DLC1: variants seen among roughly 807,000 people sequenced by gnomAD.
DLC1 encodes the protein DLC1 Rho GTPase activating protein, also known as rho GTPase-activating protein 7.
Under a neutral mutation model 140.3 loss-of-function variants are expected in DLC1, and 54 were observed. The observed-to-expected ratio is 0.38, with a 90% CI of 0.31 to 0.48. DLC1 has a LOEUF of 0.48. DLC1 is among the 20% of genes least tolerant of loss of function. The pLI is 0.96. For synonymous variants in DLC1, 986 were observed against 728.1 expected (o/e 1.35, Z -5.70); for missense variants, 2,536 against 1,907.0 (o/e 1.33, Z -6.14).
intron 5 of DLC1, among the ~76,000 whole-genome samples, chr8:13,131,503 G>T (rs1822076202): frequency 6.6e-6 from 1 of 152,140 alleles, no homozygotes; most frequent in Non-Finnish European, 1.5e-5. Context: ...GAATCCATTT[G>T]CTCATCCATA....
At position 13,499,352 on chromosome 8, in the gene DLC1, G is replaced by T. The variant is rs762474592; in HGVS notation, c.720C>A (p.Pro240=). 3.1e-6 allele frequency: 5 copies of T among 1,613,906 alleles called. No individual in the cohort carries two copies. The African/African-American group carries it at 5.3e-5, about 17-fold the overall frequency. ...TGCTTCTTTCATTTTCATCTTTAGGGGGGTCAGGTTTCCTTCGTTGCTGAG... is the reference window on the plus strand; with the variant it reads ...TGCTTCTTTCATTTTCATCTTTAGGTGGGTCAGGTTTCCTTCGTTGCTGAG... The part of the protein sequence containing the change: ...VIAQQRRKPD[P]PKDENERSTC... The change falls in exon 2 of 18, where the codon CCC becomes CCA. Residue 240 remains proline, a synonymous_variant. Transcript: ENST00000276297.
At chr8:13,361,572 T>C (rs67858069) in intron 4 of DLC1, among the ~76,000 whole-genome samples, 31,233 of 152,088 alleles carry the variant, frequency 0.21, 3,505 homozygotes, top group Non-Finnish European at 0.26. Flanking sequence ...TGCTCCAGTG[T>C]AGGTATTTTC....
At position 13,484,774 on chromosome 8, in the gene DLC1, C is replaced by T. The variant is rs573964997; in HGVS notation, c.1023+14275G>A. 2.0e-5 allele frequency among the ~76,000 whole-genome samples: 3 copies of T among 152,050 alleles called. No homozygotes were observed. The South Asian group carries it at 6.3e-4, about 32-fold the overall frequency. ...ATGTCACTTTGAACATAAACAGTCCCTGGAGGCCATCTGTCATATATACAG... is the reference window on the plus strand; with the variant it reads ...ATGTCACTTTGAACATAAACAGTCCTTGGAGGCCATCTGTCATATATACAG... On this transcript the variant is annotated intron_variant, in intron 2 of 17. Coordinates refer to ENST00000276297, the MANE Select transcript of DLC1 (RefSeq NM_182643.3).
intron 5 of DLC1, among the ~76,000 whole-genome samples, chr8:13,124,905 C>T (rs1050473278): frequency 6.6e-6 from 1 of 152,128 alleles, no homozygotes; most frequent in African/African-American, 2.4e-5. Flanking sequence ...ACAAGAGATC[C>T]CCAGTTTTGT....
chr8:13,114,947 T>G (rs372600248), intron 6 of DLC1, among the ~76,000 whole-genome samples: 1 of 152,220 alleles, frequency 6.6e-6, no homozygotes, highest in East Asian at 1.9e-4. Flanking sequence ...ATACATATTC[T>G]TTATTACCCA....
chr8:13,188,816 T>A (rs7824727), intron 5 of DLC1, among the ~76,000 whole-genome samples: 5 of 102,028 alleles, frequency 4.9e-5, no homozygotes, highest in Non-Finnish European at 5.7e-5. Flanking sequence ...TATATATATA[T>A]ATATATATAT....
At chr8:13,271,452 T>C (rs1025118895) in intron 5 of DLC1, among the ~76,000 whole-genome samples, 1 of 152,216 alleles carries the variant, frequency 6.6e-6, no homozygotes, top group Non-Finnish European at 1.5e-5. Context: ...AGCACTCATT[T>C]TGCTAGTGAA....
At position 13,496,785 on chromosome 8, in the gene DLC1, C is replaced by CTTTTTTTTTTTT. The variant is rs1491502803; in HGVS notation, c.1023+2263_1023+2264insAAAAAAAAAAAA. Among the ~76,000 whole-genome samples the CTTTTTTTTTTTT allele has an allele frequency of 4.3e-3, 37 of 8,648 alleles. 14 individuals are homozygous for CTTTTTTTTTTTT. The highest frequency in any genetic ancestry group is 4.1e-3 in the Non-Finnish European group (6 of 1,456). 5.7% of individuals were successfully genotyped at this position (8,648 alleles called of 152,430 possible). Reference sequence around the variant, plus strand: ...TAATTAACAAATTCTTAGACCATTTCCTTTTTTTTTTTTTTTTTTTTTTTT... The same window carrying CTTTTTTTTTTTT: ...TAATTAACAAATTCTTAGACCATTTCTTTTTTTTTTTTCTTTTTTTTTTTTTTTTTTTTTTTT... On this transcript the variant is annotated intron_variant, in intron 2 of 17. Coordinates refer to ENST00000276297, the MANE Select transcript of DLC1 (RefSeq NM_182643.3).
intron 5 of DLC1, among the ~76,000 whole-genome samples, chr8:13,202,866 G>A (rs1225542489): frequency 6.6e-6 from 1 of 151,848 alleles, no homozygotes; most frequent in Non-Finnish European, 1.5e-5. Flanking sequence ...TAGAGACAGG[G>A]TCTCACTATG....
rs146643926 is a variant in DLC1, at chr8:13,379,911, C to T, written c.1314+13642G>A. Among the ~76,000 whole-genome samples, 99 of 152,260 alleles carry T rather than the reference C, an allele frequency of 6.5e-4. 1 individual carries two copies. The highest frequency in any genetic ancestry group is 1.8e-4 in the Non-Finnish European group (12 of 68,024). On this transcript the variant is annotated intron_variant, in intron 4 of 17. Transcript: ENST00000276297. ...AACACAGGAACAGAAAACGAAACAC[C>T]GCATGTTCTCACTCATATGTGGGAG...
chr8:13,402,421 T>C (rs1372810903), intron 2 of DLC1, among the ~76,000 whole-genome samples: 2 of 152,186 alleles, frequency 1.3e-5, no homozygotes, highest in Non-Finnish European at 2.9e-5. Context: ...TTCCCTGTGT[T>C]GTACAAGGTA....
At chr8:13,143,272 T>C (rs1425982575) in intron 5 of DLC1, among the ~76,000 whole-genome samples, 2 of 152,224 alleles carry the variant, frequency 1.3e-5, no homozygotes, top group African/African-American at 4.8e-5. Context: ...GGTGGTATGA[T>C]ACTGACCGCT....
chr8:13,521,869 C>G (rs1802777366), intron 1 of DLC1, among the ~76,000 whole-genome samples: 1 of 152,200 alleles, frequency 6.6e-6, no homozygotes, highest in African/African-American at 2.4e-5. Flanking sequence ...TCCACACATT[C>G]AAGTGATATT....
intron 1 of DLC1, among the ~76,000 whole-genome samples, chr8:13,560,655 C>A (rs542104265): frequency 1.4e-4 from 22 of 152,260 alleles, no homozygotes; most frequent in African/African-American, 5.1e-4. Flanking sequence ...GAAGTCCTAA[C>A]CTCCAGTATC....
chr8:13,385,306 G>A (rs1369071293), intron 4 of DLC1, among the ~76,000 whole-genome samples: 1 of 152,146 alleles, frequency 6.6e-6, no homozygotes, highest in African/African-American at 2.4e-5. Context: ...CTACAGTAAA[G>A]AGGAAACAAT....
chr8:13,163,701 C>A (rs1320965565), intron 5 of DLC1, among the ~76,000 whole-genome samples: 2 of 152,064 alleles, frequency 1.3e-5, no homozygotes, highest in East Asian at 3.9e-4. Context: ...CAAGATCTGG[C>A]CAGACGTGGT....
chr8:13,185,723 T>G (rs1046806293), intron 5 of DLC1, among the ~76,000 whole-genome samples: 3 of 152,206 alleles, frequency 2.0e-5, no homozygotes, highest in Non-Finnish European at 4.4e-5. Context: ...CATTAATTAA[T>G]GTAGTTTCTG....
rs117009882 is a variant in DLC1 at position 13,165,853 on chromosome 8, T to C, written c.1349-50196A>G. 1.7e-3 allele frequency among the ~76,000 whole-genome samples: 260 copies of C among 152,256 alleles called. 1 individual carries two copies. Among genetic ancestry groups the C allele is most frequent in the Non-Finnish European group, 3.2e-3 (219 of 68,006 alleles). The stretch of plus-strand genomic sequence containing the variant: ...GTCAGTTTCCTCAAGCACAGACCCA[T>C]ATATTGGCTCTCTGGATCGTGTCAC... On this transcript the variant is annotated intron_variant, in intron 5 of 17. Coordinates refer to ENST00000276297, the MANE Select transcript of DLC1 (RefSeq NM_182643.3).
intron 1 of DLC1, among the ~76,000 whole-genome samples, chr8:13,535,847 C>G (rs1803260650): frequency 6.6e-6 from 1 of 152,000 alleles, no homozygotes; most frequent in Non-Finnish European, 1.5e-5. Context: ...TTTGACCAAT[C>G]AGTATCCTAT....
Sources: allele counts gnomAD v4.1 joint callset (sites outside exome capture counted in the v4.1 genomes callset), GRCh38; gene constraint gnomAD v4.1.1; transcripts MANE v1.5; gene names NCBI Gene and HGNC (gene_info 2026-07-23, HGNC 2026-07-21).